MYLK: variants seen among roughly 807,000 people sequenced by gnomAD.
MYLK encodes myosin light chain kinase, also known as myosin light chain kinase, smooth muscle.
A neutral mutation model predicts 203.4 loss-of-function variants in MYLK; 106 were observed. The ratio of observed to expected loss-of-function variants is 0.52; its 90% confidence interval spans 0.45 to 0.61. MYLK has a LOEUF of 0.61. Ranked by LOEUF, MYLK falls within the 20% of genes least tolerant of loss-of-function variation. The pLI is 0.00. For missense variants in MYLK, 2,072 were observed against 2,442.3 expected, an observed-to-expected ratio of 0.85 and a Z score of 3.20; for synonymous variants, 867 against 959.5, an observed-to-expected ratio of 0.90 and a Z score of 1.78.
intron 21 of MYLK, 181 bp downstream of exon 21, chr3:123,666,956 G>A (rs2059755173): frequency 1.5e-6 from 1 of 654,834 alleles, no homozygotes; most frequent in East Asian, 2.7e-5. Context: ...GCCAGGCTGT[G>A]CAGAGGCTCT....
At chr3:123,859,605 C>A (rs1057424946) in intron 2 of MYLK, among the ~76,000 whole-genome samples, 20 of 152,160 alleles carry the variant, frequency 1.3e-4, no homozygotes, top group African/African-American at 4.8e-4. Context: ...TGTCACAACA[C>A]AAGATATTAA....
chr3:123,840,370 T>TTATATATATATATATATATATA (rs56361020), intron 2 of MYLK, among the ~76,000 whole-genome samples: 71 of 148,686 alleles, frequency 4.8e-4, no homozygotes, highest in African/African-American at 1.6e-3. Context: ...CCTACAGACA[T>TTATATATATATATATATATATA]TATATATATA....
chr3:123,745,184 C>T (rs889290655), intron 5 of MYLK, among the ~76,000 whole-genome samples: 9 of 151,996 alleles, frequency 5.9e-5, no homozygotes, highest in African/African-American at 2.2e-4. Flanking sequence ...TTTGTGGTGT[C>T]TGTTCTGGTA....
chr3:123,879,683 G>A (rs951102800), intron 1 of MYLK, among the ~76,000 whole-genome samples: 2 of 152,164 alleles, frequency 1.3e-5, no homozygotes, highest in African/African-American at 4.8e-5. Flanking sequence ...CGCCTGGGCT[G>A]GAGTGCAGTG....
intron 23 of MYLK, among the ~76,000 whole-genome samples, chr3:123,661,360 G>A (rs2059555156): frequency 6.6e-6 from 1 of 152,126 alleles, no homozygotes; most frequent in South Asian, 2.1e-4. Flanking sequence ...CTGATAGGAC[G>A]GGAGTACAGG....
chr3:123,847,950 A>G (rs1232577240), intron 2 of MYLK, among the ~76,000 whole-genome samples: 2 of 152,078 alleles, frequency 1.3e-5, no homozygotes, highest in African/African-American at 4.8e-5. Flanking sequence ...TTTGCACAAT[A>G]TTAGGATTAT....
intron 2 of MYLK, among the ~76,000 whole-genome samples, chr3:123,862,840 A>G (rs2032034468): frequency 6.6e-6 from 1 of 151,746 alleles, no homozygotes; most frequent in African/African-American, 2.4e-5. Context: ...TCTTTTTTCT[A>G]TCTTCTCCCC....
chr3:123,753,952 G>T (rs150509919), intron 4 of MYLK, among the ~76,000 whole-genome samples: 12 of 152,270 alleles, frequency 7.9e-5, no homozygotes, highest in African/African-American at 2.9e-4. Context: ...ACAAAGAAAG[G>T]CTTCACTGAT....
intron 15 of MYLK, among the ~76,000 whole-genome samples, chr3:123,708,265 C>A (rs2061541517): frequency 6.6e-6 from 1 of 152,240 alleles, no homozygotes; most frequent in South Asian, 2.1e-4. Flanking sequence ...GGGCACCGAG[C>A]CAGGTGCTAA....
chr3:123,671,311 T>A (rs1576496552), intron 20 of MYLK, among the ~76,000 whole-genome samples: 3 of 152,234 alleles, frequency 2.0e-5, no homozygotes, highest in Admixed American at 1.3e-4. Context: ...ATTCCAGAAT[T>A]AAAGAAGCCA....
chr3:123,717,505 C>T (rs1157170102), intron 13 of MYLK, among the ~76,000 whole-genome samples: 4 of 152,158 alleles, frequency 2.6e-5, no homozygotes, highest in South Asian at 2.1e-4. Flanking sequence ...ATAAACAAAC[C>T]GTTAGGCTGA....
chr3:123,652,405 C>T (rs1479988865), intron 24 of MYLK, among the ~76,000 whole-genome samples: 1 of 152,194 alleles, frequency 6.6e-6, no homozygotes, highest in African/African-American at 2.4e-5. Context: ...GTCTCGTTAC[C>T]CTGGAGTGTT....
At chr3:123,757,209 G>C (rs2063384785) in intron 4 of MYLK, among the ~76,000 whole-genome samples, 1 of 152,170 alleles carries the variant, frequency 6.6e-6, no homozygotes, top group Admixed American at 6.5e-5. Context: ...TATATCAAGG[G>C]CTTTCAACTT....
chr3:123,725,151 G>T (rs1476539051), intron 12 of MYLK, among the ~76,000 whole-genome samples: 1 of 152,118 alleles, frequency 6.6e-6, no homozygotes, highest in African/African-American at 2.4e-5. Context: ...TACCCCGAGG[G>T]GTGAAGTGTC....
At chr3:123,628,543 A>T (rs970092182) in intron 30 of MYLK, among the ~76,000 whole-genome samples, 1 of 152,178 alleles carries the variant, frequency 6.6e-6, no homozygotes, top group African/African-American at 2.4e-5. Context: ...GCCCTGCCTC[A>T]TCTAGTCACC....
In MYLK at chr3:123,649,163, A is replaced by G; in HGVS notation, c.4320T>C (p.Asp1440=). 6.2e-7 allele frequency: 1 copy of G among 1,613,392 alleles called. No individual in the cohort carries two copies. The highest frequency in any genetic ancestry group is 8.5e-7 in the Non-Finnish European group (1 of 1,179,998). The part of the protein sequence containing the change: ...EPKDEVEVSD[D]DEKEPEVDYR... ...CCCGAAGACAGGGGCTGCACTCACC[A>G]TCATCTGACACCTCCACTTCATCCT... is the stretch of plus-strand genomic sequence containing the variant. Residue 1440 remains aspartate (D), a splice_region_variant and synonymous_variant, in exon 25 of 34, where the codon GAT becomes GAC. Transcript: ENST00000360304.
chr3:123,827,694 C>CATATATAT (rs3052386), intron 3 of MYLK, among the ~76,000 whole-genome samples: 11 of 24,304 alleles, frequency 4.5e-4, no homozygotes, highest in Admixed American at 7.5e-4. Flanking sequence ...TGAAAAACAC[C>CATATATAT]ATATATATAT....
At chr3:123,734,713 A>G (rs72970878) in intron 9 of MYLK, 2,000 of 158,478 alleles carry the variant, frequency 0.013, 45 homozygotes, top group East Asian at 0.064. Flanking sequence ...TTGGCCTGCC[A>G]TTCACCAGGC....
intron 20 of MYLK, among the ~76,000 whole-genome samples, chr3:123,679,330 A>G (rs201257349): frequency 1.3e-5 from 2 of 151,696 alleles, no homozygotes; most frequent in East Asian, 3.9e-4. Flanking sequence ...AAACAAAACA[A>G]GACATCTCCT....
Sources: allele counts gnomAD v4.1 joint callset (sites outside exome capture counted in the v4.1 genomes callset), GRCh38; gene constraint gnomAD v4.1.1; transcripts MANE v1.5; gene names NCBI Gene and HGNC (gene_info 2026-07-23, HGNC 2026-07-21).